The following TENM2 variants were observed in gnomAD, a reference collection of about 807,000 sequenced individuals.
TENM2 encodes teneurin-2.
TENM2 carries 52 observed loss-of-function variants against 245.2 expected under a neutral mutation model. The observed-to-expected ratio is 0.21, with a 90% CI of 0.17 to 0.27. The LOEUF (loss-of-function observed/expected upper bound fraction) is 0.27, where lower values mean the gene tolerates loss of function less well. Ranked by LOEUF, TENM2 falls within the 10% of genes least tolerant of loss-of-function variation. The probability of loss-of-function intolerance (pLI) is 1.00; values close to 1 mark genes in which losing one functional copy is unlikely to be tolerated. For missense variants in TENM2, 3,046 were observed against 3,666.8 expected (o/e 0.83, Z 4.37); for synonymous variants, 1,363 against 1,438.9 (o/e 0.95, Z 1.19).
At chr5:168,255,149 G>A (rs533691333) in intron 27 of TENM2, among the ~76,000 whole-genome samples, 11 of 152,248 alleles carry the variant, frequency 7.2e-5, no homozygotes, top group African/African-American at 2.2e-4. Context: ...AAGATGGGAC[G>A]ATTTGATGTG....
chr5:167,659,827 A>G (rs1291511163), intron 2 of TENM2, among the ~76,000 whole-genome samples: 2 of 152,178 alleles, frequency 1.3e-5, no homozygotes, highest in Non-Finnish European at 2.9e-5. Flanking sequence ...CTGCCTCCCC[A>G]TATGATGTGT....
chr5:167,646,156 C>CAT (rs70976441), intron 2 of TENM2, among the ~76,000 whole-genome samples: 10 of 97,834 alleles, frequency 1.0e-4, no homozygotes, highest in Admixed American at 3.3e-4. Flanking sequence ...ATGTTGTTTT[C>CAT]ATATATATAT....
chr5:167,293,559 C>T (rs1302869837), intron 1 of TENM2, among the ~76,000 whole-genome samples: 1 of 151,794 alleles, frequency 6.6e-6, no homozygotes, highest in Non-Finnish European at 1.5e-5. Flanking sequence ...AAAGTGGAGG[C>T]AGATATACTG....
chr5:167,573,724 T>G (rs1477653961), intron 2 of TENM2, among the ~76,000 whole-genome samples: 3 of 152,150 alleles, frequency 2.0e-5, no homozygotes, highest in Non-Finnish European at 1.5e-5. Context: ...TAGGCATGTA[T>G]GCAGCTCAGT....
the TENM2 span, among the ~76,000 whole-genome samples, chr5:167,072,518 G>A: frequency 6.6e-6 from 1 of 152,210 alleles, no homozygotes; most frequent in Admixed American, 6.5e-5. Flanking sequence ...TGGAATGGTG[G>A]TAACAACAGT....
chr5:168,156,140 C>T (rs571046720), intron 12 of TENM2, among the ~76,000 whole-genome samples: 5 of 145,942 alleles, frequency 3.4e-5, no homozygotes, highest in African/African-American at 1.3e-4. Flanking sequence ...GGCTGAGGCT[C>T]AGAGAGGTGG....
At chr5:167,745,559 T>G (rs1393956274) in intron 2 of TENM2, among the ~76,000 whole-genome samples, 1 of 152,204 alleles carries the variant, frequency 6.6e-6, no homozygotes, top group Non-Finnish European at 1.5e-5. Context: ...TTAGAAGCTA[T>G]TTTTAGCTTT....
chr5:167,404,085 T>A (rs894241671), intron 2 of TENM2, among the ~76,000 whole-genome samples: 1 of 152,076 alleles, frequency 6.6e-6, no homozygotes, highest in African/African-American at 2.4e-5. Context: ...CTCTTAACTT[T>A]CATGAAGAAA....
At chr5:167,347,141 GAAA>G (rs111545947) in intron 1 of TENM2, among the ~76,000 whole-genome samples, 1 of 129,552 alleles carries the variant, frequency 7.7e-6, no homozygotes, top group African/African-American at 2.8e-5. Context: ...AATTACAAGA[GAAA>G]AAAAAAAAAA....
At chr5:167,254,508 C>T in the TENM2 span, among the ~76,000 whole-genome samples, 1 of 152,072 alleles carries the variant, frequency 6.6e-6, no homozygotes, top group Non-Finnish European at 1.5e-5. Context: ...ATGAACCAGC[C>T]CTTCTCTTAA....
intron 13 of TENM2, among the ~76,000 whole-genome samples, chr5:168,166,973 G>A (rs1758359700): frequency 2.6e-5 from 4 of 152,118 alleles, no homozygotes; most frequent in African/African-American, 9.6e-5. Flanking sequence ...AGGAAGCAAT[G>A]GCTGATTCTG....
chr5:168,198,740 A>C, intron 15 of TENM2, 113 bp from the exon 18 acceptor site: 1 of 1,349,212 alleles, frequency 7.4e-7, no homozygotes, highest in Non-Finnish European at 1.0e-6. Flanking sequence ...TCCAAAGCCC[A>C]TGGTCTCCTC....
At chr5:167,606,192 A>G (rs1777027592) in intron 2 of TENM2, among the ~76,000 whole-genome samples, 1 of 137,258 alleles carries the variant, frequency 7.3e-6, no homozygotes, top group African/African-American at 2.5e-5. Context: ...GGCAGGAGGA[A>G]AACTGCAATC....
At chr5:167,367,833 A>G (rs533506355) in intron 1 of TENM2, among the ~76,000 whole-genome samples, 1 of 152,260 alleles carries the variant, frequency 6.6e-6, no homozygotes, top group African/African-American at 2.4e-5. Flanking sequence ...TACAACTGCT[A>G]CATTTTTCTT....
rs1289559490 is a variant in TENM2 at position 168,034,133 on chromosome 5, ATGTATACATATATATGTG to A, written c.1187-13292_1187-13275del. 6.6e-4 allele frequency among the ~76,000 whole-genome samples: 68 copies of A among 103,658 alleles called. 1 individual carries two copies. The highest frequency in any genetic ancestry group is 1.9e-3 in the African/African-American group (56 of 29,230). The allele number at this position is 103,658 out of a possible 152,430, so 68.0% of individuals were successfully genotyped here. A position where few individuals can be genotyped will look rare whatever the true frequency, so the allele number is the denominator to read the frequency against. ...TACATATATATGTGTATATATATAT[ATGTATACATATATATGTG>A]TATATATATATGTATATATATACAC... On this transcript the variant is annotated intron_variant, in intron 5 of 28. Coordinates refer to ENST00000518659, the Ensembl canonical transcript of TENM2.
intron 2 of TENM2, among the ~76,000 whole-genome samples, chr5:167,515,789 C>T (rs1770341295): frequency 6.6e-6 from 1 of 151,544 alleles, no homozygotes; most frequent in Non-Finnish European, 1.5e-5. Flanking sequence ...CCTCAGCCTC[C>T]TGAGTAGCTG....
chr5:167,520,782 A>G (rs562431621), intron 2 of TENM2, among the ~76,000 whole-genome samples: 1 of 151,046 alleles, frequency 6.6e-6, no homozygotes, highest in Admixed American at 6.6e-5. Context: ...TCATAATTCA[A>G]CTTCCACATG....
intron 2 of TENM2, among the ~76,000 whole-genome samples, chr5:167,734,478 A>T (rs1233944654): frequency 6.7e-6 from 1 of 148,430 alleles, no homozygotes; most frequent in African/African-American, 2.4e-5. Flanking sequence ...ATCATATATA[A>T]TATATGCAAT....
chr5:167,104,210 T>C, the TENM2 span, among the ~76,000 whole-genome samples: 1 of 152,034 alleles, frequency 6.6e-6, no homozygotes, highest in Non-Finnish European at 1.5e-5. Flanking sequence ...CTTGAGACTT[T>C]TACAGTGCTT....
Sources: allele counts gnomAD v4.1 joint callset (sites outside exome capture counted in the v4.1 genomes callset), GRCh38; gene constraint gnomAD v4.1.1; transcripts MANE v1.5; gene names NCBI Gene and HGNC (gene_info 2026-07-23, HGNC 2026-07-21).